Variants in SEM1 observed in about 807,000 individuals in gnomAD.
SEM1 encodes SEM1 26S proteasome subunit.
SEM1 carries 3 observed loss-of-function variants against 12.7 expected under a neutral mutation model. The observed-to-expected ratio is 0.24, with a 90% CI of 0.11 to 0.61. The LOEUF (loss-of-function observed/expected upper bound fraction) is 0.61, where lower values mean the gene tolerates loss of function less well. Among genes scored for constraint, SEM1 ranks in the 20% least tolerant of loss-of-function variants. SEM1 has a pLI of 0.88. For synonymous variants in SEM1, 30 were observed against 27.8 expected, an observed-to-expected ratio of 1.08 and a Z score of -0.25; for missense variants, 59 against 81.3, an observed-to-expected ratio of 0.73 and a Z score of 1.06.
intron 2 of SEM1, among the ~76,000 whole-genome samples, chr7:96,666,826 C>T (rs181963702): frequency 1.1e-3 from 173 of 152,066 alleles, no homozygotes; most frequent in African/African-American, 4.1e-3. Context: ...GGCCTATGTT[C>T]GTCCGGATCC....
At position 96,586,693 on chromosome 7, in the gene SEM1, GT is replaced by G. The variant is rs766748719; in HGVS notation, c.171-79996del. On this transcript the variant is annotated intron_variant and NMD_transcript_variant, in intron 2 of 3. Coordinates refer to the SEM1 transcript ENST00000466986. ...GGAGATTTGAGGCTGGATTCTTTAGGTTTTTTGTTTCCCATGTGCTGGGCAG... is the reference window on the plus strand; with the variant it reads ...GGAGATTTGAGGCTGGATTCTTTAGGTTTTTGTTTCCCATGTGCTGGGCAG... Among the ~76,000 whole-genome samples the G allele has an allele frequency of 2.6e-5, 4 of 152,088 alleles. No homozygotes were observed. The South Asian group carries it at 8.3e-4, about 32-fold the overall frequency.
At chr7:96,552,009 G>T (rs1459499933) in intron 2 of SEM1, among the ~76,000 whole-genome samples, 3 of 152,308 alleles carry the variant, frequency 2.0e-5, no homozygotes, top group Non-Finnish European at 4.4e-5. Flanking sequence ...AGTACACAGA[G>T]TTGAGGTTGC....
At position 96,485,179 on chromosome 7, in the gene SEM1, T is replaced by A. The variant is rs543156205; in HGVS notation, c.228-325A>T. On this transcript the variant is annotated intron_variant, in intron 2 of 3. Transcript: ENST00000356686. Reference sequence around the variant, plus strand: ...CATTGCTTATTAAGTCTAGGCAAAATTTTTTAAGTCAGAATGACCAGTGTT... The same window carrying A: ...CATTGCTTATTAAGTCTAGGCAAAAATTTTTAAGTCAGAATGACCAGTGTT... 1.6e-4 allele frequency among the ~76,000 whole-genome samples: 25 copies of A among 152,306 alleles called. No individual in the cohort carries two copies. In the South Asian group the frequency reaches 5.0e-3, roughly 30 times the overall value.
intron 2 of SEM1, among the ~76,000 whole-genome samples, chr7:96,520,837 C>A (rs1392771779): frequency 1.3e-5 from 2 of 152,058 alleles, no homozygotes; most frequent in Admixed American, 6.6e-5. Context: ...CAGGCTCTCC[C>A]CTTCTGGGTT....
chr7:96,694,663 T>TAG (rs1428955243), intron 2 of SEM1, 135 bp downstream of exon 2: 1 of 480,338 alleles, frequency 2.1e-6, no homozygotes, highest in Non-Finnish European at 3.7e-6. Context: ...GAAGACAATA[T>TAG]GTCTTACTTT....
exon 2 of SEM1, chr7:96,486,208 G>C (rs1469669915): frequency 6.5e-7 from 1 of 1,533,674 alleles, no homozygotes; most frequent in South Asian, 1.2e-5. Context: ...CTTACCTGCA[G>C]ACCCAGGCTA....
chr7:96,682,256 A>C (rs1191683680), intron 2 of SEM1, among the ~76,000 whole-genome samples: 1 of 152,112 alleles, frequency 6.6e-6, no homozygotes, highest in African/African-American at 2.4e-5. Flanking sequence ...ACTTTGCTTA[A>C]GTTGCTTATC....
chr7:96,509,869 A>G (rs934731219), intron 2 of SEM1, among the ~76,000 whole-genome samples: 1 of 149,784 alleles, frequency 6.7e-6, no homozygotes, highest in Non-Finnish European at 1.5e-5. Flanking sequence ...GACAGAAAGT[A>G]GGATGGTGGT....
chr7:96,702,064 G>A (rs980502454), intron 1 of SEM1, among the ~76,000 whole-genome samples: 2 of 152,108 alleles, frequency 1.3e-5, no homozygotes, highest in African/African-American at 4.8e-5. Context: ...AAGGGCACCT[G>A]TTGGGGGCAG....
At chr7:96,592,999 TAAAAAA>T (rs1554421689) in intron 2 of SEM1, among the ~76,000 whole-genome samples, 18,094 of 128,002 alleles carry the variant, frequency 0.14, 1,222 homozygotes, top group South Asian at 0.15. Flanking sequence ...TCTCCCATAT[TAAAAAA>T]AAAAAAAAAA....
At chr7:96,680,060 T>A (rs1789560686) in intron 2 of SEM1, among the ~76,000 whole-genome samples, 1 of 152,074 alleles carries the variant, frequency 6.6e-6, no homozygotes, top group Admixed American at 6.6e-5. Context: ...CCTGAGTAAC[T>A]CTCAACCAAT....
At chr7:96,496,682 A>G (rs1046135993), upstream of SEM1, among the ~76,000 whole-genome samples, 1 of 152,216 alleles carries the variant, frequency 6.6e-6, no homozygotes, top group Non-Finnish European at 1.5e-5. Flanking sequence ...TATTAGACAT[A>G]TATACTACAG....
chr7:96,516,878 A>C (rs754836366), intron 2 of SEM1, among the ~76,000 whole-genome samples: 1 of 152,192 alleles, frequency 6.6e-6, no homozygotes, highest in Non-Finnish European at 1.5e-5. Flanking sequence ...AGACAATGGA[A>C]TATTATTCAG....
At chr7:96,493,383 G>A (rs779883327) in intron 1 of SEM1, among the ~76,000 whole-genome samples, 1 of 151,988 alleles carries the variant, frequency 6.6e-6, no homozygotes, top group African/African-American at 2.4e-5. Context: ...TGATACCAGC[G>A]TTCTTCCAGC....
intron 2 of SEM1, among the ~76,000 whole-genome samples, chr7:96,556,928 C>T (rs1276148011): frequency 6.8e-6 from 1 of 147,906 alleles, no homozygotes; most frequent in Non-Finnish European, 1.5e-5. Flanking sequence ...CTTCTCGCTT[C>T]ATTTCATTCA....
At chr7:96,643,159 G>A (rs1808669228) in intron 2 of SEM1, among the ~76,000 whole-genome samples, 1 of 151,898 alleles carries the variant, frequency 6.6e-6, no homozygotes, top group Admixed American at 6.6e-5. Flanking sequence ...GTGTCCATGT[G>A]TTCTCATCAT....
At chr7:96,670,112 T>C (rs1789274618), downstream of SEM1, among the ~76,000 whole-genome samples, 4 of 152,234 alleles carry the variant, frequency 2.6e-5, no homozygotes, top group Admixed American at 2.6e-4. Context: ...TTTCTTGTTA[T>C]GGTTGATTCT....
intron 1 of SEM1, among the ~76,000 whole-genome samples, chr7:96,702,767 G>A (rs979470417): frequency 1.2e-4 from 19 of 152,314 alleles, no homozygotes; most frequent in Middle Eastern, 3.4e-3. Flanking sequence ...AATAGTGATT[G>A]AAGTGAACAT....
intron 3 of SEM1, chr7:96,503,565 A>G (rs928656947): frequency 1.4e-4 from 22 of 152,166 alleles, no homozygotes; most frequent in African/African-American, 4.8e-4. Context: ...GAAGCTAATC[A>G]ATGTCCCTGG....
Sources: allele counts gnomAD v4.1 joint callset (sites outside exome capture counted in the v4.1 genomes callset), GRCh38; gene constraint gnomAD v4.1.1; transcripts MANE v1.5; gene names NCBI Gene and HGNC (gene_info 2026-07-23, HGNC 2026-07-21).